Variants in ZBBX observed in about 807,000 individuals in gnomAD.
ZBBX encodes the protein zinc finger B-box domain-containing protein 1.
ZBBX carries 101 observed loss-of-function variants against 108.5 expected under a neutral mutation model. That is an observed-to-expected ratio of 0.93 (90% CI 0.79 to 1.10). ZBBX has a LOEUF of 1.10. Ranked by LOEUF, ZBBX falls within the 50% of genes least tolerant of loss-of-function variation. The probability of loss-of-function intolerance (pLI) is 0.00; values close to 1 mark genes in which losing one functional copy is unlikely to be tolerated. For missense variants in ZBBX, 1,009 were observed against 941.4 expected, an observed-to-expected ratio of 1.07 and a Z score of -0.94; for synonymous variants, 356 against 323.4, an observed-to-expected ratio of 1.10 and a Z score of -1.08.
At chr3:167,322,844 T>C (rs921870834) in intron 11 of ZBBX, among the ~76,000 whole-genome samples, 18 of 151,902 alleles carry the variant, frequency 1.2e-4, no homozygotes, top group African/African-American at 4.1e-4. Context: ...ATCGTTCCTG[T>C]CTCCAAACTG....
chr3:167,230,558 G>C, the ZBBX span, among the ~76,000 whole-genome samples: 1 of 151,802 alleles, frequency 6.6e-6, no homozygotes, highest in Non-Finnish European at 1.5e-5. Flanking sequence ...ATAATATAAA[G>C]GGACATTCAT....
chr3:167,261,771 A>G (rs1724573878), intron 20 of ZBBX, among the ~76,000 whole-genome samples: 1 of 80,136 alleles, frequency 1.2e-5, no homozygotes, highest in South Asian at 5.6e-4. Flanking sequence ...CCGCCTCCCA[A>G]CTGCAAAAAA....
chr3:167,300,470 C>T (rs1046622337), intron 17 of ZBBX, among the ~76,000 whole-genome samples: 21 of 152,136 alleles, frequency 1.4e-4, no homozygotes, highest in Admixed American at 1.2e-3. Flanking sequence ...AACACTCATT[C>T]AGATTGTTTC....
chr3:167,183,589 C>A, the ZBBX span, among the ~76,000 whole-genome samples: 3 of 152,216 alleles, frequency 2.0e-5, no homozygotes. Flanking sequence ...AGGAAGCCGC[C>A]AGTGATAAGC....
chr3:167,264,040 TG>T (rs1725047964), intron 20 of ZBBX, among the ~76,000 whole-genome samples: 1 of 152,260 alleles, frequency 6.6e-6, no homozygotes, highest in Admixed American at 6.5e-5. Flanking sequence ...TGCTCTTTTT[TG>T]GTTTCCATTG....
At chr3:167,186,159 T>A in the ZBBX span, among the ~76,000 whole-genome samples, 1 of 152,052 alleles carries the variant, frequency 6.6e-6, no homozygotes, top group Non-Finnish European at 1.5e-5. Context: ...ATAATATTTT[T>A]AATTAATATA....
At chr3:167,354,781 G>T (rs1743245867) in intron 8 of ZBBX, among the ~76,000 whole-genome samples, 1 of 151,826 alleles carries the variant, frequency 6.6e-6, no homozygotes, top group South Asian at 2.1e-4. Context: ...GCAGAAAACT[G>T]AAAATGAGTT....
intron 2 of ZBBX, among the ~76,000 whole-genome samples, chr3:167,374,250 A>G (rs191266078): frequency 6.6e-6 from 1 of 152,302 alleles, no homozygotes; most frequent in East Asian, 1.9e-4. Flanking sequence ...TCTTTGGCTC[A>G]GATCAGAAAT....
chr3:167,295,318 A>G (rs1293156919), intron 18 of ZBBX, among the ~76,000 whole-genome samples: 1 of 152,164 alleles, frequency 6.6e-6, no homozygotes, highest in Non-Finnish European at 1.5e-5. Context: ...AGACTGGATA[A>G]AGAAAGTGTG....
At chr3:167,321,077 T>C (rs1736358668) in intron 12 of ZBBX, among the ~76,000 whole-genome samples, 1 of 152,050 alleles carries the variant, frequency 6.6e-6, no homozygotes. Flanking sequence ...GGTTTTGATA[T>C]GCACTATGTT....
At chr3:167,368,716 G>A in intron 4 of ZBBX, 142 bp from the exon 5 acceptor site, 1 of 1,271,796 alleles carries the variant, frequency 7.9e-7, no homozygotes, top group Non-Finnish European at 9.9e-7. Context: ...TCCGAAATCT[G>A]GTTTTTAAAG....
chr3:167,341,998 T>C (rs77065461), intron 9 of ZBBX, among the ~76,000 whole-genome samples: 8,020 of 151,670 alleles, frequency 0.053, 578 homozygotes, highest in African/African-American at 0.16. Context: ...TCAGATTCCA[T>C]GAAAAAAATC....
At chr3:167,242,793 T>G (rs1234074417) in intron 20 of ZBBX, 150 bp from the exon 21 acceptor site, 2 of 744,512 alleles carry the variant, frequency 2.7e-6, no homozygotes, top group Non-Finnish European at 3.9e-6. Flanking sequence ...TTCTAATGTT[T>G]GTGAGGTAAG....
chr3:167,389,192 C>A (rs1748013465), intron 1 of ZBBX, among the ~76,000 whole-genome samples: 1 of 151,998 alleles, frequency 6.6e-6, no homozygotes, highest in Non-Finnish European at 1.5e-5. Flanking sequence ...TGTGTTCTCA[C>A]TGTTCAACTC....
intron 20 of ZBBX, among the ~76,000 whole-genome samples, chr3:167,264,277 TTCTG>T (rs1725099074): frequency 6.6e-6 from 1 of 152,220 alleles, no homozygotes; most frequent in African/African-American, 2.4e-5. Context: ...TAGTCTTCTC[TTCTG>T]TCTTTCCTTC....
intron 20 of ZBBX, among the ~76,000 whole-genome samples, chr3:167,253,177 C>CT (rs1453335119): frequency 6.6e-6 from 1 of 152,040 alleles, no homozygotes; most frequent in African/African-American, 2.4e-5. Context: ...GACATAATAA[C>CT]TTTGAGAAGA....
At chr3:167,329,062 A>G (rs1577013005) in intron 10 of ZBBX, among the ~76,000 whole-genome samples, 1 of 152,218 alleles carries the variant, frequency 6.6e-6, no homozygotes, top group African/African-American at 2.4e-5. Flanking sequence ...GGAATGAATG[A>G]AGAAGTTCAT....
chr3:167,361,775 C>A (rs1744552403), intron 6 of ZBBX, among the ~76,000 whole-genome samples: 1 of 152,146 alleles, frequency 6.6e-6, no homozygotes, highest in South Asian at 2.1e-4. Flanking sequence ...AATCTAATCT[C>A]ATTTTTCATA....
At position 167,388,714 on chromosome 3, in the gene ZBBX, T is replaced by C. The variant is rs369872980; in HGVS notation, c.-445-8309A>G. Among the ~76,000 whole-genome samples, 42 of 152,168 alleles carry C rather than the reference T, an allele frequency of 2.8e-4. No homozygotes were observed. In the East Asian group the frequency reaches 5.0e-3, roughly 18 times the overall value. ...TACCTAGGCTCCTTCCATTGTGCTG[T>C]TCTGCCTTTCTCAACATGTCACTTT... On this transcript the variant is annotated intron_variant, in intron 1 of 21. Transcript: ENST00000455345.
Sources: gnomAD v4.1 joint callset for allele counts (sites outside exome capture counted in the v4.1 genomes callset) on GRCh38, gnomAD v4.1.1 for gene constraint, MANE v1.5 for transcripts, NCBI Gene and HGNC (gene_info 2026-07-23, HGNC 2026-07-21) for gene names.